Variants in SORCS3 observed in about 807,000 individuals in gnomAD.
SORCS3 encodes sortilin related VPS10 domain containing receptor 3.
In SORCS3, 57 loss-of-function variants were observed where a neutral mutation model predicts 146.3. That is an observed-to-expected ratio of 0.39 (90% CI 0.31 to 0.49). The LOEUF (loss-of-function observed/expected upper bound fraction) is 0.49, where lower values mean the gene tolerates loss of function less well. SORCS3 is among the 20% of genes least tolerant of loss of function. SORCS3 has a pLI of 0.92. For synonymous variants in SORCS3, 653 were observed against 618.5 expected (o/e 1.06, Z -0.83); for missense variants, 1,341 against 1,575.5 (o/e 0.85, Z 2.52).
At chr10:104,825,042 G>A (rs564311885) in intron 1 of SORCS3, among the ~76,000 whole-genome samples, 2 of 152,330 alleles carry the variant, frequency 1.3e-5, no homozygotes, top group Non-Finnish European at 2.9e-5. Flanking sequence ...TGGCATGCAG[G>A]GAGTTCCAGG....
chr10:104,999,963 A>G (rs772989120), intron 4 of SORCS3, among the ~76,000 whole-genome samples: 1 of 152,118 alleles, frequency 6.6e-6, no homozygotes, highest in Non-Finnish European at 1.5e-5. Flanking sequence ...TGGTCCTCCA[A>G]AAACTTTTTT....
At chr10:104,644,393 A>G (rs1449688162) in intron 1 of SORCS3, among the ~76,000 whole-genome samples, 1 of 152,236 alleles carries the variant, frequency 6.6e-6, no homozygotes, top group African/African-American at 2.4e-5. Context: ...GAGCCTGTGT[A>G]AAGAAGATGG....
chr10:104,653,137 T>C (rs953822076), intron 1 of SORCS3, among the ~76,000 whole-genome samples: 5 of 152,210 alleles, frequency 3.3e-5, no homozygotes, highest in African/African-American at 1.2e-4. Context: ...AGGAGTGTCC[T>C]GAGCTTTGAG....
chr10:104,872,592 C>G (rs1181113580), intron 2 of SORCS3, among the ~76,000 whole-genome samples: 1 of 148,250 alleles, frequency 6.7e-6, no homozygotes, highest in Non-Finnish European at 1.5e-5. Flanking sequence ...GCAAACATCC[C>G]AAGAATTCTG....
intron 5 of SORCS3, among the ~76,000 whole-genome samples, chr10:105,044,230 A>G (rs2055354962): frequency 6.6e-6 from 1 of 151,982 alleles, no homozygotes; most frequent in South Asian, 2.1e-4. Flanking sequence ...TGAGCTGGCC[A>G]TCAGTGTCAT....
At chr10:104,666,528 G>A (rs2015779309) in intron 1 of SORCS3, among the ~76,000 whole-genome samples, 1 of 152,168 alleles carries the variant, frequency 6.6e-6, no homozygotes, top group African/African-American at 2.4e-5. Context: ...GAGCTTTTGT[G>A]GAATGTAGAC....
chr10:105,198,778 C>G (rs2056558170), intron 14 of SORCS3, among the ~76,000 whole-genome samples: 1 of 152,202 alleles, frequency 6.6e-6, no homozygotes, highest in Non-Finnish European at 1.5e-5. Context: ...GATCCTGTCT[C>G]TCTTTCAAAG....
At chr10:104,960,833 G>A (rs1031036238) in intron 3 of SORCS3, among the ~76,000 whole-genome samples, 2 of 152,070 alleles carry the variant, frequency 1.3e-5, no homozygotes, top group Admixed American at 6.6e-5. Context: ...GGGTTAGCAG[G>A]TGAACATATG....
At chr10:105,208,520 C>T (rs1344783393) in intron 16 of SORCS3, among the ~76,000 whole-genome samples, 1 of 151,512 alleles carries the variant, frequency 6.6e-6, no homozygotes, top group Non-Finnish European at 1.5e-5. Context: ...TGAGTGAACG[C>T]AGAACTGGGG....
chr10:104,822,053 C>T (rs745489232), intron 1 of SORCS3: 1 of 516,780 alleles, frequency 1.9e-6, no homozygotes, highest in Non-Finnish European at 3.9e-6. Flanking sequence ...TTTGTTTCCA[C>T]CCCTTATTTT....
intron 4 of SORCS3, among the ~76,000 whole-genome samples, chr10:105,038,014 T>G (rs1350552189): frequency 1.3e-5 from 2 of 152,246 alleles, no homozygotes; most frequent in Non-Finnish European, 2.9e-5. Flanking sequence ...TTTCATATTT[T>G]CCAGCTGTTC....
intron 1 of SORCS3, among the ~76,000 whole-genome samples, chr10:104,661,672 T>TATAGATAGATAGATAG (rs112598598): frequency 1.5e-4 from 23 of 151,560 alleles, no homozygotes; most frequent in African/African-American, 4.6e-4. Flanking sequence ...GATTTGGGAA[T>TATAGATAGATAGATAG]ATAGATAGAT....
chr10:104,820,461 A>G (rs1378618716), intron 1 of SORCS3, among the ~76,000 whole-genome samples: 2 of 152,164 alleles, frequency 1.3e-5, no homozygotes, highest in Non-Finnish European at 2.9e-5. Flanking sequence ...TTATTTATTT[A>G]TGGGTTTACC....
rs150943772 is a variant in SORCS3 at position 104,862,993 on chromosome 10, G to C, written c.695+20134G>C. ...GAGGAAGCTGTGACATTCATTTGGG[G>C]AAACATCTGCTTGTTTTGTGCTCAA... On this transcript the variant is annotated intron_variant, in intron 2 of 26. Transcript: ENST00000369701. 2.9e-3 allele frequency among the ~76,000 whole-genome samples: 438 copies of C among 152,276 alleles called. 2 individuals are homozygous for C. Among genetic ancestry groups the C allele is most frequent in the African/African-American group, 8.9e-3 (371 of 41,560 alleles).
chr10:104,965,447 G>C (rs1335002217), intron 3 of SORCS3, among the ~76,000 whole-genome samples: 2 of 152,192 alleles, frequency 1.3e-5, no homozygotes, highest in Non-Finnish European at 2.9e-5. Flanking sequence ...ACGTGGAATA[G>C]CTGGATCATA....
intron 14 of SORCS3, among the ~76,000 whole-genome samples, chr10:105,180,477 C>A: frequency 6.6e-6 from 1 of 152,118 alleles, no homozygotes. Context: ...AAGGTAAGAA[C>A]CATGAAAGAG....
intron 20 of SORCS3, among the ~76,000 whole-genome samples, chr10:105,233,647 A>C (rs2056777300): frequency 6.6e-6 from 1 of 152,124 alleles, no homozygotes. Flanking sequence ...CTTATGAGTG[A>C]GAATATGCAG....
chr10:105,191,614 A>G (rs144605780), intron 14 of SORCS3, among the ~76,000 whole-genome samples: 2 of 152,316 alleles, frequency 1.3e-5, no homozygotes, highest in Non-Finnish European at 2.9e-5. Context: ...CCTTTTGGGA[A>G]CCAGGGACTG....
chr10:104,963,679 T>C (rs771028913), intron 3 of SORCS3, among the ~76,000 whole-genome samples: 5 of 152,130 alleles, frequency 3.3e-5, no homozygotes, highest in Non-Finnish European at 5.9e-5. Context: ...GTATAAACCT[T>C]GTACATTGCT....
Sources: allele counts gnomAD v4.1 joint callset (sites outside exome capture counted in the v4.1 genomes callset), GRCh38; gene constraint gnomAD v4.1.1; transcripts MANE v1.5; gene names NCBI Gene and HGNC (gene_info 2026-07-23, HGNC 2026-07-21).